Variants in PCYOX1L observed in about 807,000 individuals in gnomAD.
PCYOX1L encodes the protein prenylcysteine oxidase 1-like.
PCYOX1L carries 40 observed loss-of-function variants against 44.1 expected under a neutral mutation model. The ratio of observed to expected loss-of-function variants is 0.91; its 90% CI spans 0.70 to 1.18. The LOEUF (loss-of-function observed/expected upper bound fraction) is 1.18. Ranked by LOEUF, PCYOX1L falls within the 50% of genes most tolerant of loss-of-function variation. PCYOX1L has a pLI of 0.00. For missense variants in PCYOX1L, 605 were observed against 653.3 expected, an observed-to-expected ratio of 0.93 and a Z score of 0.81; for synonymous variants, 266 against 282.8, an observed-to-expected ratio of 0.94 and a Z score of 0.60.
intron 4 of PCYOX1L, among the ~76,000 whole-genome samples, chr5:149,367,038 C>T (rs1758233648): frequency 6.6e-6 from 1 of 152,302 alleles, no homozygotes; most frequent in South Asian, 2.1e-4. Flanking sequence ...CCTCACCTCC[C>T]CAACACCCCC....
Position 149,368,446 on chromosome 5 carries a change from C to A in PCYOX1L, c.1277C>A (p.Pro426His). 6.2e-7 allele frequency: 1 copy of A among 1,613,966 alleles called. No homozygotes were observed. The highest frequency in any genetic ancestry group is 1.1e-5 in the South Asian group (1 of 91,062). Residue 426 changes from proline to histidine, a missense_variant, in exon 6 of 6, where the codon CCC becomes CAC. Pro to His is a moderately conservative substitution (Grantham distance 77, BLOSUM62 -2). Coordinates refer to ENST00000274569, the MANE Select transcript of PCYOX1L (RefSeq NM_024028.4). ...SVQTAEWQAH[P>H]LYGSRPTLPR... is the part of the protein sequence containing the mutation. ...CAGACAGCTGAGTGGCAGGCCCATC[C>A]CCTCTATGGCTCCCGCCCCACGCTC...
At position 149,369,643 on chromosome 5, in the gene PCYOX1L, C is replaced by T. The variant is rs1215250277; in HGVS notation, c.*989C>T. ...TTGTTTTAAAAAGAAAGTAAAAGCC[C>T]TTTTCATTCCTTTTGGACCTGTTCT... On this transcript the variant is annotated 3_prime_UTR_variant, in exon 6 of 6. Coordinates refer to ENST00000274569, the MANE Select transcript of PCYOX1L (RefSeq NM_024028.4). The T allele has an allele frequency of 1.3e-5, 2 of 152,154 alleles. No individual in the cohort carries two copies. The highest frequency in any genetic ancestry group is 2.9e-5 in the Non-Finnish European group (2 of 68,026). 9.4% of individuals were successfully genotyped at this position (152,154 alleles called of 1,614,324 possible). A position where few individuals can be genotyped will look rare whatever the true frequency, so the allele number is the denominator to read the frequency against.
chr5:149,366,900 C>T (rs1028007227), intron 4 of PCYOX1L, among the ~76,000 whole-genome samples: 3 of 152,102 alleles, frequency 2.0e-5, no homozygotes, highest in Non-Finnish European at 4.4e-5. Context: ...ATTCACATAC[C>T]ATATAATTCG....
At chr5:149,365,879 A>G in intron 3 of PCYOX1L, 63 bp from the exon 4 acceptor site, 2 of 1,536,042 alleles carry the variant, frequency 1.3e-6, no homozygotes, top group Non-Finnish European at 1.8e-6. Flanking sequence ...ACTATAACCC[A>G]GGGGCAGGTG....
chr5:149,364,758 A>C (rs1225845160), intron 3 of PCYOX1L: 2 of 152,912 alleles, frequency 1.3e-5, no homozygotes, highest in Non-Finnish European at 2.9e-5. Flanking sequence ...CCTGTGGACC[A>C]CTCATTTGCA....
intron 5 of PCYOX1L, 38 bp downstream of exon 5, chr5:149,367,538 C>A (rs747914525): frequency 6.2e-7 from 1 of 1,606,412 alleles, no homozygotes; most frequent in African/African-American, 1.3e-5. Flanking sequence ...GCATGCCATT[C>A]CCAGCCAGTG....
intron 4 of PCYOX1L, among the ~76,000 whole-genome samples, chr5:149,367,026 G>T (rs1477973209): frequency 6.6e-6 from 1 of 151,988 alleles, no homozygotes; most frequent in Admixed American, 6.6e-5. Flanking sequence ...TTGCCCTTTA[G>T]CCCTCACCTC....
intron 1 of PCYOX1L, among the ~76,000 whole-genome samples, chr5:149,361,848 G>A (rs779197439): frequency 3.3e-5 from 5 of 152,008 alleles, no homozygotes; most frequent in Admixed American, 6.5e-5. Context: ...GGCTGGTCTC[G>A]AACTCCTGAC....
At chr5:149,366,198 C>A in intron 4 of PCYOX1L, 45 bp downstream of exon 4, 1 of 1,587,402 alleles carries the variant, frequency 6.3e-7, no homozygotes, top group South Asian at 1.1e-5. Context: ...CTCCTCCACC[C>A]AAGGTGCTCA....
chr5:149,366,238 C>A, intron 4 of PCYOX1L, 85 bp downstream of exon 4: 1 of 1,370,750 alleles, frequency 7.3e-7, no homozygotes, highest in South Asian at 1.3e-5. Context: ...ATAATAACCT[C>A]ACTTTTATCC....
In PCYOX1L at chr5:149,367,369, C is replaced by T; in HGVS notation, c.692C>T (p.Ser231Leu). ...TTCCCGCTTTGCCCAGGAGCCATGT[C>T]ACTAGCCGGGGCCCAAGGCAGCCTG... ...AAMPAFAGAMSLAGAQGSLWS... is the reference protein window; with the variant it reads ...AAMPAFAGAMLLAGAQGSLWS... Residue 231 changes from serine to leucine, a missense_variant, in exon 5 of 6, where the codon TCA becomes TTA. By Grantham distance (145) the Ser-to-Leu change is moderately radical. Coordinates refer to ENST00000274569, the MANE Select transcript of PCYOX1L (RefSeq NM_024028.4). 6.2e-7 allele frequency: 1 copy of T among 1,610,336 alleles called. No individual in the cohort carries two copies. Among genetic ancestry groups the T allele is most frequent in the African/African-American group, 1.3e-5 (1 of 74,838 alleles).
intron 4 of PCYOX1L, among the ~76,000 whole-genome samples, chr5:149,366,659 A>C (rs1001075729): frequency 2.2e-4 from 33 of 152,252 alleles, no homozygotes; most frequent in African/African-American, 7.7e-4. Context: ...AACACAGAAC[A>C]GTGCCTAAGT....
intron 1 of PCYOX1L, chr5:149,361,991 G>A (rs1021530631): frequency 6.5e-6 from 1 of 154,014 alleles, no homozygotes; most frequent in African/African-American, 2.4e-5. Flanking sequence ...TAGTAGGTTG[G>A]ACTAGACCAG....
Position 149,362,710 on chromosome 5 carries a change from G to A in PCYOX1L, c.162G>A (p.Gln54=). 6.2e-7 allele frequency: 1 copy of A among 1,614,214 alleles called. No individual in the cohort carries two copies. The highest frequency in any genetic ancestry group is 8.5e-7 in the Non-Finnish European group (1 of 1,180,046). ...FLQQHFGPRV[Q]IDVYEKGTVG... is the part of the protein sequence containing the mutation. ...AGCAGCACTTTGGACCTCGGGTGCA[G>A]ATCGACGTGTACGAGAAGGGAACCG... is the stretch of plus-strand genomic sequence containing the variant. The change falls in exon 2 of 6, where the codon CAG becomes CAA. Residue 54 remains glutamine, a synonymous_variant. Transcript: ENST00000274569.
intron 2 of PCYOX1L, chr5:149,363,480 T>C: frequency 4.4e-6 from 1 of 229,372 alleles, no homozygotes; most frequent in East Asian, 1.0e-4. Flanking sequence ...TTAAACAAAT[T>C]ATTGTATAAC....
chr5:149,368,115 G>C lies in PCYOX1L; in HGVS notation c.946G>C (p.Ala316Pro). 6.2e-7 allele frequency: 1 copy of C among 1,613,080 alleles called. No homozygotes were observed. Among genetic ancestry groups the C allele is most frequent in the Non-Finnish European group, 8.5e-7 (1 of 1,179,432 alleles). Reference protein sequence around the residue: ...LDNSSSNLTFAGFHPPIDDVQ... With the variant: ...LDNSSSNLTFPGFHPPIDDVQ... ...CAACAGCAGCAGCAACTTAACCTTTGCAGGCTTCCACCCGCCCATTGATGA... is the reference window on the plus strand; with the variant it reads ...CAACAGCAGCAGCAACTTAACCTTTCCAGGCTTCCACCCGCCCATTGATGA... The change falls in exon 6 of 6, where the codon GCA becomes CCA. Residue 316 changes from alanine to proline, a missense_variant. Physicochemically the swap from Ala to Pro is conservative, Grantham distance 27. Transcript: ENST00000274569.
Position 149,362,801 on chromosome 5 carries a change from C to G in PCYOX1L, c.253C>G (p.His85Asp), listed in dbSNP as rs927161433. The G allele has an allele frequency of 6.2e-7, 1 of 1,614,022 alleles. No individual in the cohort carries two copies. The highest frequency in any genetic ancestry group is 1.3e-5 in the African/African-American group (1 of 74,954). ...QHYESGAASF[H>D]SLSLHMQDFV... ...CTATGAGAGCGGGGCTGCCTCCTTCCACTCCCTGAGCCTGCACATGCAGGA... is the reference window on the plus strand; with the variant it reads ...CTATGAGAGCGGGGCTGCCTCCTTCGACTCCCTGAGCCTGCACATGCAGGA... The change falls in exon 2 of 6, where the codon CAC becomes GAC. Residue 85 changes from histidine to aspartate, a missense_variant. His to Asp is a moderately conservative substitution (Grantham distance 81). Coordinates refer to ENST00000274569, the MANE Select transcript of PCYOX1L (RefSeq NM_024028.4).
chr5:149,368,622 G>T lies in PCYOX1L; in HGVS notation c.1453G>T (p.Asp485Tyr), dbSNP rs774839171. ...YQDLDKIDQK[D>Y]LMHKVKTEL Reference sequence around the variant, plus strand: ...GGACCTAGACAAGATTGATCAAAAAGATTTGATGCACAAGGTCAAGACTGA... The same window carrying T: ...GGACCTAGACAAGATTGATCAAAAATATTTGATGCACAAGGTCAAGACTGA... Residue 485 changes from aspartate (D) to tyrosine (Y), a missense_variant, in exon 6 of 6, where the codon GAT becomes TAT. By Grantham distance (160) the Asp-to-Tyr change is radical. Coordinates refer to ENST00000274569, the MANE Select transcript of PCYOX1L (RefSeq NM_024028.4). 2.3e-5 allele frequency: 35 copies of T among 1,525,360 alleles called. No individual in the cohort carries two copies. The highest frequency in any genetic ancestry group is 1.8e-4 in the Middle Eastern group (1 of 5,662). The allele number at this position is 1,525,360 out of a possible 1,614,324, so 94.5% of individuals were successfully genotyped here.
chr5:149,359,323 G>A (rs906411239), intron 1 of PCYOX1L, among the ~76,000 whole-genome samples: 1 of 152,238 alleles, frequency 6.6e-6, no homozygotes, highest in African/African-American at 2.4e-5. Flanking sequence ...AGGCCATACA[G>A]GGTTAAGAAG....
Sources: gnomAD v4.1 joint callset for allele counts (sites outside exome capture counted in the v4.1 genomes callset) on GRCh38, gnomAD v4.1.1 for gene constraint, MANE v1.5 for transcripts, NCBI Gene and HGNC (gene_info 2026-07-23, HGNC 2026-07-21) for gene names.